The following UNC80 variants were observed in gnomAD, a reference collection of about 807,000 sequenced individuals.
UNC80 encodes the protein unc-80 subunit of NALCN channel complex.
In UNC80, 164 loss-of-function variants were observed where a neutral mutation model predicts 384.6. That is an observed-to-expected ratio of 0.43 (90% CI 0.38 to 0.49). The LOEUF (loss-of-function observed/expected upper bound fraction) is 0.49, where lower values mean the gene tolerates loss of function less well. Among genes scored for constraint, UNC80 ranks in the 20% least tolerant of loss-of-function variants. The pLI, the probability that UNC80 is intolerant of heterozygous loss-of-function variation, is 0.00. For synonymous variants in UNC80, 1,486 were observed against 1,527.8 expected (o/e 0.97, Z 0.64); for missense variants, 3,330 against 4,143.0 (o/e 0.80, Z 5.39).
In UNC80 at chr2:209,943,363, C is replaced by T; in HGVS notation, c.6916-17C>T. 6.5e-7 allele frequency: 1 copy of T among 1,549,742 alleles called. No individual in the cohort carries two copies. Among genetic ancestry groups the T allele is most frequent in the African/African-American group, 1.4e-5 (1 of 72,962 alleles). ...CTTCATTAAGGCATTTTTTGAATAT[C>T]TGGCATTTTTCCATAGGTGTACTCC... is the stretch of plus-strand genomic sequence containing the variant. On this transcript the variant is annotated splice_polypyrimidine_tract_variant and intron_variant, in intron 44 of 64. Transcript: ENST00000673920.
At chr2:209,787,203 T>C (rs2077499723) in intron 5 of UNC80, among the ~76,000 whole-genome samples, 1 of 152,160 alleles carries the variant, frequency 6.6e-6, no homozygotes, top group South Asian at 2.1e-4. Context: ...CAATGGCACA[T>C]GGTGATCTTG....
intron 33 of UNC80, 117 bp from the exon 34 acceptor site, chr2:209,921,383 T>C: frequency 8.9e-6 from 9 of 1,014,666 alleles, no homozygotes; most frequent in Non-Finnish European, 1.2e-5. Flanking sequence ...ATCATGGGTA[T>C]CCTAACATTT....
At chr2:209,911,821 C>T (rs977470433) in intron 29 of UNC80, among the ~76,000 whole-genome samples, 2 of 152,158 alleles carry the variant, frequency 1.3e-5, no homozygotes, top group African/African-American at 4.8e-5. Flanking sequence ...CAGTCCTTCT[C>T]CCAGCTGCAT....
chr2:209,772,281 C>A, intron 1 of UNC80, 117 bp downstream of exon 1: 1 of 392,238 alleles, frequency 2.5e-6, no homozygotes, highest in Non-Finnish European at 4.2e-6. Flanking sequence ...GCAGCTCCCT[C>A]TCTGGGGCTG....
In UNC80 at chr2:209,888,018, T is replaced by C. The variant is rs1348989677; in HGVS notation, c.4111-77T>C. The C allele has an allele frequency of 4.5e-5, 64 of 1,423,076 alleles. 1 individual carries two copies. Among genetic ancestry groups the C allele is most frequent in the Middle Eastern group, 2.1e-4 (1 of 4,732 alleles). The allele number at this position is 1,423,076 out of a possible 1,614,324, so 88.2% of individuals were successfully genotyped here. The stretch of plus-strand genomic sequence containing the variant: ...AAACGCAGTTGTGTATAATTCAAAA[T>C]GGTGGGAGGCTTGCCGCGAGACCAA... On this transcript the variant is annotated intron_variant, in intron 25 of 64. Transcript: ENST00000673920.
intron 21 of UNC80, among the ~76,000 whole-genome samples, chr2:209,847,309 T>C (rs2082239162): frequency 6.6e-6 from 1 of 151,896 alleles, no homozygotes; most frequent in African/African-American, 2.4e-5. Context: ...AAATTAATTA[T>C]AAAATATTTC....
intron 7 of UNC80, chr2:209,809,056 C>G: frequency 2.3e-6 from 1 of 437,962 alleles, no homozygotes; most frequent in South Asian, 2.1e-5. Flanking sequence ...ACTGACCTCA[C>G]TGTCGGATGA....
At chr2:209,777,171 G>C in intron 3 of UNC80, 87 bp from the exon 4 acceptor site, 1 of 1,388,132 alleles carries the variant, frequency 7.2e-7, no homozygotes, top group Admixed American at 2.3e-5. Flanking sequence ...AGAGAAAGGA[G>C]GGATATTCTT....
chr2:209,930,106 T>C (rs773375985), intron 37 of UNC80, 135 bp downstream of exon 37: 18 of 442,050 alleles, frequency 4.1e-5, no homozygotes, highest in Admixed American at 1.7e-4. Context: ...ACTTTTTAAA[T>C]AATGATAATG....
chr2:209,971,970 T>G (rs1269955985), intron 54 of UNC80, among the ~76,000 whole-genome samples: 2 of 152,238 alleles, frequency 1.3e-5, no homozygotes, highest in Admixed American at 1.3e-4. Flanking sequence ...AATTTTTCAT[T>G]TAATATTCAA....
rs2081616695 is a variant in UNC80 at position 209,839,953 on chromosome 2, G to A, written c.3250+523G>A. On this transcript the variant is annotated intron_variant, in intron 19 of 64. Transcript: ENST00000673920. The surrounding 1 kb of genome is among the most constrained non-coding windows in gnomAD (Gnocchi z 4.1). ...TGCAAAGATATTAGGAGGCTGAAGG[G>A]AAGTGAAGGAACTGAAACAAGGGGA... Among the ~76,000 whole-genome samples, 1 of 152,120 alleles carries A rather than the reference G, an allele frequency of 6.6e-6. No homozygotes were observed. The highest frequency in any genetic ancestry group is 2.1e-4 in the South Asian group (1 of 4,822).
At chr2:209,803,854 T>A (rs1277705929) in intron 7 of UNC80, among the ~76,000 whole-genome samples, 1 of 152,132 alleles carries the variant, frequency 6.6e-6, no homozygotes, top group Non-Finnish European at 1.5e-5. Context: ...TGCCACAGCC[T>A]CCCAAGTGGA....
At chr2:209,965,401 T>C (rs988157801) in intron 51 of UNC80, among the ~76,000 whole-genome samples, 1 of 152,104 alleles carries the variant, frequency 6.6e-6, no homozygotes, top group African/African-American at 2.4e-5. Flanking sequence ...TTTATATGTT[T>C]GAGATTTTCC....
intron 18 of UNC80, among the ~76,000 whole-genome samples, chr2:209,838,497 T>G (rs1307227808): frequency 6.6e-6 from 1 of 152,190 alleles, no homozygotes; most frequent in Non-Finnish European, 1.5e-5. Context: ...TACCTAAGTT[T>G]CTTTGACTTA....
At chr2:209,874,514 A>G (rs2084599821) in intron 23 of UNC80, among the ~76,000 whole-genome samples, 1 of 152,204 alleles carries the variant, frequency 6.6e-6, no homozygotes, top group Non-Finnish European at 1.5e-5. Context: ...TTCTTGCAGC[A>G]TTTGACACTG....
At position 209,941,293 on chromosome 2, in the gene UNC80, T is replaced by C; in HGVS notation, c.6719T>C (p.Leu2240Pro). The change falls in exon 44 of 65, where the codon CTG becomes CCG. Residue 2240 changes from leucine (L) to proline (P), a missense_variant. Leu to Pro is a moderately conservative substitution (Grantham distance 98, BLOSUM62 -3). Coordinates refer to ENST00000673920, the MANE Select transcript of UNC80 (RefSeq NM_001371986.1). ...ATCCAGCTGCTGGAGGAAATGTTCC[T>C]GGGCATGCCGAGCGAGTTTCCATGG... Reference protein sequence around the residue: ...LWIQLLEEMFLGMPSEFPWGD... With the variant: ...LWIQLLEEMFPGMPSEFPWGD... The C allele has an allele frequency of 6.5e-7, 1 of 1,546,998 alleles. No individual in the cohort carries two copies. The highest frequency in any genetic ancestry group is 2.0e-5 in the Admixed American group (1 of 50,914).
At chr2:209,987,890 A>T (rs180939074) in intron 61 of UNC80, among the ~76,000 whole-genome samples, 8 of 152,308 alleles carry the variant, frequency 5.3e-5, no homozygotes, top group Admixed American at 1.3e-4. Context: ...AAAATAAAAA[A>T]ACCTTTTTAA....
intron 25 of UNC80, among the ~76,000 whole-genome samples, chr2:209,883,895 CTATATGGTT>C (rs778369799): frequency 1.3e-5 from 2 of 152,046 alleles, no homozygotes; most frequent in Non-Finnish European, 2.9e-5. Context: ...TTTTTTAAGG[CTATATGGTT>C]TTTTAAGAAA....
intron 51 of UNC80, among the ~76,000 whole-genome samples, chr2:209,965,934 C>CAAAAA (rs112429893): frequency 1.6e-5 from 2 of 125,790 alleles, no homozygotes; most frequent in African/African-American, 5.7e-5. Flanking sequence ...AAACTTGTCT[C>CAAAAA]AAAAAAAAAA....
Sources: gnomAD v4.1 joint callset for allele counts (sites outside exome capture counted in the v4.1 genomes callset) on GRCh38, gnomAD v4.1.1 for gene constraint, Gnocchi (gnomAD v3.1) non-coding constraint, MANE v1.5 for transcripts, NCBI Gene and HGNC (gene_info 2026-07-23, HGNC 2026-07-21) for gene names.